VAMP7: variants seen among roughly 807,000 people sequenced by gnomAD.
VAMP7 encodes the protein vesicle-associated membrane protein 7.
VAMP7 carries 14 observed loss-of-function variants against 29.6 expected under a neutral mutation model. The ratio of observed to expected loss-of-function variants is 0.47; its 90% CI spans 0.31 to 0.74. The LOEUF (loss-of-function observed/expected upper bound fraction) is 0.74. Ranked by LOEUF, VAMP7 falls within the 30% of genes least tolerant of loss-of-function variation. VAMP7 has a pLI of 0.05. For synonymous variants in VAMP7, 95 were observed against 88.1 expected, an observed-to-expected ratio of 1.08 and a Z score of -0.44; for missense variants, 223 against 262.4, an observed-to-expected ratio of 0.85 and a Z score of 1.04.
intron 5 of VAMP7, among the ~76,000 whole-genome samples, chrX:155,915,529 CT>C (rs1310835599): frequency 6.6e-6 from 1 of 152,132 alleles, no homozygotes; most frequent in African/African-American, 2.4e-5. Flanking sequence ...CTAAATACTG[CT>C]TTAGCTGTGT....
intron 1 of VAMP7, among the ~76,000 whole-genome samples, chrX:155,884,317 G>C (rs138520742): frequency 0.013 from 1,938 of 151,768 alleles, 44 homozygotes; most frequent in African/African-American, 0.044. Flanking sequence ...AGTAGAAACG[G>C]GGTTTCTCCA....
In VAMP7 at chrX:155,900,559, A is replaced by G. The variant is rs367823371; in HGVS notation, c.405A>G (p.Glu135=). The G allele has an allele frequency of 6.2e-6, 10 of 1,610,146 alleles. No homozygotes were observed. Among genetic ancestry groups the G allele is most frequent in the African/African-American group, 2.7e-5 (2 of 74,828 alleles). The change falls in exon 5 of 8, where the codon GAA becomes GAG. Residue 135 remains glutamate (E), a synonymous_variant. Coordinates refer to ENST00000286448, the MANE Select transcript of VAMP7 (RefSeq NM_005638.6). ...TGGAGACTCAAGCCCAAGTGGATGA[A>G]CTGAAAGGAATCATGGTCAGAAACA... ...KVMETQAQVD[E]LKGIMVRNID... is the part of the protein sequence containing the mutation.
intron 5 of VAMP7, among the ~76,000 whole-genome samples, chrX:155,904,041 T>G (rs1432963049): frequency 6.6e-6 from 1 of 151,992 alleles, no homozygotes; most frequent in Admixed American, 6.6e-5. Flanking sequence ...AATGATGAGT[T>G]CATGTCCTTT....
chrX:155,916,510 T>C lies in VAMP7; in HGVS notation c.434-3303T>C, dbSNP rs751473256. On this transcript the variant is annotated intron_variant, in intron 5 of 7. Coordinates refer to ENST00000286448, the MANE Select transcript of VAMP7 (RefSeq NM_005638.6). ...GGCTGGTACTGGTTTTTCCTTTCCA[T>C]ATTTAGTGCTTCCTTCAGGACCTCT... Among the ~76,000 whole-genome samples the C allele has an allele frequency of 4.4e-4, 67 of 152,316 alleles. No individual in the cohort carries two copies. In the South Asian group the frequency reaches 0.013, roughly 31 times the overall value.
At chrX:155,890,303 G>C (rs1016602058) in intron 2 of VAMP7, among the ~76,000 whole-genome samples, 1 of 152,112 alleles carries the variant, frequency 6.6e-6, no homozygotes, top group Non-Finnish European at 1.5e-5. Flanking sequence ...GTGGGCAGTG[G>C]AAAGGCATTG....
chrX:155,937,979 T>A (rs2066687312), intron 6 of VAMP7, among the ~76,000 whole-genome samples: 1 of 152,230 alleles, frequency 6.6e-6, no homozygotes, highest in Admixed American at 6.5e-5. Context: ...TTTGCTCATT[T>A]ATGTTCTGCT....
chrX:155,934,654 A>G (rs2066619308), intron 6 of VAMP7, among the ~76,000 whole-genome samples: 1 of 151,996 alleles, frequency 6.6e-6, no homozygotes, highest in African/African-American at 2.4e-5. Context: ...CTCTTTATCT[A>G]ATTTGCCAGT....
chrX:155,939,312 G>A (rs2066709033), intron 6 of VAMP7, among the ~76,000 whole-genome samples: 1 of 152,146 alleles, frequency 6.6e-6, no homozygotes, highest in African/African-American at 2.4e-5. Context: ...AGGTTTTTAT[G>A]GCTCAAAGCC....
intron 6 of VAMP7, among the ~76,000 whole-genome samples, chrX:155,928,212 C>G (rs922586895): frequency 7.9e-5 from 12 of 152,198 alleles, no homozygotes. Flanking sequence ...CATGAGCCAC[C>G]ACACCTGGCC....
At chrX:155,917,050 C>T (rs941276070) in intron 5 of VAMP7, among the ~76,000 whole-genome samples, 15 of 152,040 alleles carry the variant, frequency 9.9e-5, no homozygotes, top group African/African-American at 3.1e-4. Context: ...AGCCTTTGTT[C>T]ATTCCTTTTC....
intron 1 of VAMP7, among the ~76,000 whole-genome samples, chrX:155,886,302 TG>T (rs1216802334): frequency 1.3e-5 from 2 of 152,094 alleles, no homozygotes; most frequent in African/African-American, 4.8e-5. Flanking sequence ...ACACTTACAA[TG>T]GGGGCAGGTA....
chrX:155,934,955 T>C (rs2066625419), intron 6 of VAMP7, among the ~76,000 whole-genome samples: 2 of 152,192 alleles, frequency 1.3e-5, no homozygotes, highest in African/African-American at 4.8e-5. Flanking sequence ...TTCCTTCACC[T>C]ATGAAGCTTA....
chrX:155,888,079 A>G (rs1350030988), intron 1 of VAMP7, among the ~76,000 whole-genome samples: 1 of 152,210 alleles, frequency 6.6e-6, no homozygotes, highest in African/African-American at 2.4e-5. Context: ...TAGAAAGAAG[A>G]TGGTTGAGAT....
chrX:155,885,945 C>T (rs940455580), intron 1 of VAMP7, among the ~76,000 whole-genome samples: 1 of 152,098 alleles, frequency 6.6e-6, no homozygotes, highest in East Asian at 1.9e-4. Flanking sequence ...ATTACTGCAG[C>T]TACAAGAAAC....
At chrX:155,925,167 G>A (rs987946377) in intron 6 of VAMP7, among the ~76,000 whole-genome samples, 4 of 152,172 alleles carry the variant, frequency 2.6e-5, no homozygotes, top group African/African-American at 9.7e-5. Flanking sequence ...TGTGAGGGTT[G>A]TAATCAGTTT....
At chrX:155,929,465 T>G (rs1218828845) in intron 6 of VAMP7, among the ~76,000 whole-genome samples, 1 of 152,120 alleles carries the variant, frequency 6.6e-6, no homozygotes, top group Non-Finnish European at 1.5e-5. Flanking sequence ...GGGCATTGTG[T>G]GGGGGGTGTG....
At chrX:155,893,533 C>T (rs1003356304) in intron 2 of VAMP7, among the ~76,000 whole-genome samples, 83 of 152,148 alleles carry the variant, frequency 5.5e-4, no homozygotes, top group Non-Finnish European at 1.0e-3. Context: ...GACTGAGTGG[C>T]TTGAACAACA....
chrX:155,921,633 T>C (rs911410495), intron 6 of VAMP7, among the ~76,000 whole-genome samples: 2 of 152,152 alleles, frequency 1.3e-5, no homozygotes, highest in African/African-American at 4.8e-5. Context: ...TGTGGGGCTT[T>C]ATTTCTGGAT....
intron 6 of VAMP7, among the ~76,000 whole-genome samples, chrX:155,934,586 A>G (rs1231152276): frequency 6.6e-6 from 1 of 152,002 alleles, no homozygotes; most frequent in Non-Finnish European, 1.5e-5. Context: ...TTTTGAGCCT[A>G]TGTGTGTCTC....
Sources: gnomAD v4.1 joint callset for allele counts (sites outside exome capture counted in the v4.1 genomes callset) on GRCh38, gnomAD v4.1.1 for gene constraint, MANE v1.5 for transcripts, NCBI Gene and HGNC (gene_info 2026-07-23, HGNC 2026-07-21) for gene names.